Variants in MS4A2 observed in about 807,000 individuals in gnomAD.
The protein encoded by MS4A2 is high affinity immunoglobulin epsilon receptor subunit beta.
A neutral mutation model predicts 27.9 loss-of-function variants in MS4A2; 26 were observed. The observed-to-expected ratio is 0.93, with a 90% confidence interval of 0.68 to 1.29. The LOEUF (loss-of-function observed/expected upper bound fraction) is 1.29. Ranked by LOEUF, MS4A2 falls within the 50% of genes most tolerant of loss-of-function variation. The pLI is 0.00. For missense variants in MS4A2, 284 were observed against 284.6 expected, an observed-to-expected ratio of 1.00 and a Z score of 0.01; for synonymous variants, 110 against 98.8, an observed-to-expected ratio of 1.11 and a Z score of -0.67.
Position 60,096,281 on chromosome 11 carries a change from G to A in MS4A2, c.*625G>A, listed in dbSNP as rs569040316. 6.6e-6 allele frequency: 1 copy of A among 152,414 alleles called. No individual in the cohort carries two copies. Among genetic ancestry groups the A allele is most frequent in the South Asian group, 2.1e-4 (1 of 4,836 alleles). The allele number at this position is 152,414 out of a possible 1,614,324, so 9.4% of individuals were successfully genotyped here. On this transcript the variant is annotated 3_prime_UTR_variant, in exon 7 of 7. Coordinates refer to ENST00000278888, the MANE Select transcript of MS4A2 (RefSeq NM_000139.5). ...TTGCAGATTGACAAGTAGGAAGTGGGGAATTTTATTAAGTTACTCGTTGTC... is the reference window on the plus strand; with the variant it reads ...TTGCAGATTGACAAGTAGGAAGTGGAGAATTTTATTAAGTTACTCGTTGTC...
At chr11:60,093,278 T>C in intron 4 of MS4A2, 122 bp from the exon 5 acceptor site, 4 of 1,311,778 alleles carry the variant, frequency 3.0e-6, no homozygotes, top group Non-Finnish European at 4.3e-6. Context: ...GTTTCCCTTT[T>C]TAACCAAAAT....
rs1260274735 is a variant in MS4A2 at position 60,089,823 on chromosome 11, T to C, written c.186+2T>C. On this transcript the variant is annotated splice_donor_variant, in intron 2 of 6. Coordinates refer to ENST00000278888, the MANE Select transcript of MS4A2 (RefSeq NM_000139.5). LOFTEE classifies it high-confidence loss of function. ...AAAAAAGAGCAGGAGTTCCTGGGGG[T>C]GAGTGAGCCTCCTCCAACTTTGACT... 1 of 1,613,818 alleles carries C rather than the reference T, an allele frequency of 6.2e-7. No individual in the cohort carries two copies.
chr11:60,093,536 G>A lies in MS4A2; in HGVS notation c.515G>A (p.Cys172Tyr), dbSNP rs772145331. The A allele has an allele frequency of 6.2e-7, 1 of 1,614,198 alleles. No individual in the cohort carries two copies. The highest frequency in any genetic ancestry group is 2.2e-5 in the East Asian group (1 of 44,894). Residue 172 changes from cysteine (C) to tyrosine (Y), a missense_variant, in exon 5 of 7, where the codon TGC becomes TAC. Transcript: ENST00000278888. The part of the protein sequence containing the change: ...HSCQKFFETK[C>Y]FMASFSTEIV... ...TGCCAGAAATTTTTTGAGACCAAGTGCTTTATGGCTTCCTTTTCCACTGTA... is the reference window on the plus strand; with the variant it reads ...TGCCAGAAATTTTTTGAGACCAAGTACTTTATGGCTTCCTTTTCCACTGTA...
upstream of MS4A2, chr11:60,088,508 G>T: frequency 1.1e-6 from 1 of 906,496 alleles, no homozygotes; most frequent in African/African-American, 1.7e-5. Context: ...TGCTCCAGGA[G>T]TCTCAAATTT....
In MS4A2 at chr11:60,092,775, T is replaced by C. The variant is rs746440072; in HGVS notation, c.322-17T>C. The C allele has an allele frequency of 1.1e-5, 18 of 1,611,492 alleles. No homozygotes were observed. Among genetic ancestry groups the C allele is most frequent in the African/African-American group, 5.3e-5 (4 of 75,018 alleles). ...CAAGAAACTCATTGTGGCTTTTTTT[T>C]CCTCCTTTTTGAACAGTTTTCTATT... On this transcript the variant is annotated splice_polypyrimidine_tract_variant and intron_variant, in intron 3 of 6. Coordinates refer to ENST00000278888, the MANE Select transcript of MS4A2 (RefSeq NM_000139.5).
chr11:60,091,356 T>C (rs1855755266), intron 3 of MS4A2, among the ~76,000 whole-genome samples: 1 of 152,192 alleles, frequency 6.6e-6, no homozygotes, highest in African/African-American at 2.4e-5. Context: ...ATAAGGTATA[T>C]AACTTTTTAA....
intron 2 of MS4A2, among the ~76,000 whole-genome samples, 175 bp downstream of exon 2, chr11:60,089,996 C>A (rs1281138967): frequency 6.6e-6 from 1 of 152,162 alleles, no homozygotes; most frequent in Admixed American, 6.5e-5. Context: ...GAAGCATTTC[C>A]TCATAAAGAC....
At chr11:60,094,356 G>A (rs1855828812) in intron 6 of MS4A2, among the ~76,000 whole-genome samples, 1 of 152,202 alleles carries the variant, frequency 6.6e-6, no homozygotes, top group Non-Finnish European at 1.5e-5. Flanking sequence ...AGGCTTGTGA[G>A]GAAACCACCC....
chr11:60,095,895 C>T lies in MS4A2; in HGVS notation c.*239C>T. On this transcript the variant is annotated 3_prime_UTR_variant, in exon 7 of 7. Transcript: ENST00000278888. ...TTTTATATTATGACCACACACATCTCTGCTGGAAAGTCAACATGTAGTAAG... is the reference window on the plus strand; with the variant it reads ...TTTTATATTATGACCACACACATCTTTGCTGGAAAGTCAACATGTAGTAAG... 7.8e-6 allele frequency: 4 copies of T among 515,410 alleles called. No individual in the cohort carries two copies. The highest frequency in any genetic ancestry group is 1.4e-5 in the Non-Finnish European group (4 of 287,004). 31.9% of individuals were successfully genotyped at this position (515,410 alleles called of 1,614,324 possible). A position where few individuals can be genotyped will look rare whatever the true frequency, so the allele number is the denominator to read the frequency against.
Position 60,092,873 on chromosome 11 carries a change from T to G in MS4A2, c.378+25T>G, listed in dbSNP as rs78842432. On this transcript the variant is annotated intron_variant, in intron 4 of 6. Transcript: ENST00000278888. ...GGTGAGTTGCCCGTTTCTGTCTTTG[T>G]CCATCCTTGAAAAGATAAGAAGAAC... is the stretch of plus-strand genomic sequence containing the variant. 2,246 of 1,606,722 alleles carry G rather than the reference T, an allele frequency of 1.4e-3. 29 individuals carry two copies. In the African/African-American group the frequency reaches 0.027, roughly 19 times the overall value.
intron 3 of MS4A2, among the ~76,000 whole-genome samples, chr11:60,092,347 G>C (rs1352112006): frequency 6.6e-6 from 1 of 150,594 alleles, no homozygotes; most frequent in Admixed American, 6.6e-5. Flanking sequence ...CCAGGCTGGA[G>C]TGCAATGGCA....
chr11:60,095,963 AAAG>A lies in MS4A2; in HGVS notation c.*311_*313del, dbSNP rs1855862383. 3.4e-6 allele frequency: 1 copy of A among 292,722 alleles called. No homozygotes were observed. The highest frequency in any genetic ancestry group is 6.4e-6 in the Non-Finnish European group (1 of 156,306). The allele number at this position is 292,722 out of a possible 1,614,324, so 18.1% of individuals were successfully genotyped here. On this transcript the variant is annotated 3_prime_UTR_variant, in exon 7 of 7. Transcript: ENST00000278888. The stretch of plus-strand genomic sequence containing the variant: ...ATTATAACTGTGCAAATACAGAAAA[AAAG>A]AAGGCTGGCTGAAAGTTGAGTTAAA...
chr11:60,090,527 T>A, intron 3 of MS4A2, 57 bp downstream of exon 3: 1 of 1,542,016 alleles, frequency 6.5e-7, no homozygotes, highest in Admixed American at 1.7e-5. Flanking sequence ...TTTTTCTCTT[T>A]CTCAGATCTA....
At chr11:60,089,549 T>C in intron 1 of MS4A2, 143 bp from the exon 2 acceptor site, 1 of 1,116,342 alleles carries the variant, frequency 9.0e-7, no homozygotes, top group Non-Finnish European at 1.3e-6. Flanking sequence ...CTCTGAGCTT[T>C]AGTTTCTTGG....
intron 3 of MS4A2, among the ~76,000 whole-genome samples, chr11:60,090,881 G>A (rs1855747126): frequency 6.6e-6 from 1 of 152,188 alleles, no homozygotes; most frequent in African/African-American, 2.4e-5. Context: ...GCTGGGCATG[G>A]TGGCTCACAC....
At position 60,098,103 on chromosome 11, in the gene MS4A2, A is replaced by T. The variant is rs1431492038; in HGVS notation, c.*2447A>T. 6 of 152,256 alleles carry T rather than the reference A, an allele frequency of 3.9e-5. 1 individual carries two copies. The highest frequency in any genetic ancestry group is 6.8e-3 in the Middle Eastern group (2 of 294). The allele number at this position is 152,256 out of a possible 1,614,324, so 9.4% of individuals were successfully genotyped here. A position where few individuals can be genotyped will look rare whatever the true frequency, so the allele number is the denominator to read the frequency against. ...ATTTCACTCAATTTATATTTTCATC[A>T]TTGACTACATATTTCTTATACACAA... On this transcript the variant is annotated 3_prime_UTR_variant, in exon 7 of 7. Coordinates refer to ENST00000278888, the MANE Select transcript of MS4A2 (RefSeq NM_000139.5).
intron 2 of MS4A2, 142 bp from the exon 3 acceptor site, chr11:60,090,194 G>A: frequency 1.1e-6 from 1 of 881,428 alleles, no homozygotes; most frequent in Non-Finnish European, 1.8e-6. Flanking sequence ...AGGGTATCCT[G>A]GAAAATCTTA....
At position 60,097,172 on chromosome 11, in the gene MS4A2, C is replaced by A. The variant is rs1855883830; in HGVS notation, c.*1516C>A. ...GTGAAGCTAAGCTAAACTTCACATGCCTATAATTGGAGGGAAAAACTAAGG... is the reference window on the plus strand; with the variant it reads ...GTGAAGCTAAGCTAAACTTCACATGACTATAATTGGAGGGAAAAACTAAGG... On this transcript the variant is annotated 3_prime_UTR_variant, in exon 7 of 7. Transcript: ENST00000278888. 1 of 152,032 alleles carries A rather than the reference C, an allele frequency of 6.6e-6. No homozygotes were observed. The highest frequency in any genetic ancestry group is 2.1e-4 in the South Asian group (1 of 4,826). 9.4% of individuals were successfully genotyped at this position (152,032 alleles called of 1,614,324 possible). A position where few individuals can be genotyped will look rare whatever the true frequency, so the allele number is the denominator to read the frequency against.
At chr11:60,089,625 C>G in intron 1 of MS4A2, 67 bp from the exon 2 acceptor site, 2 of 1,599,918 alleles carry the variant, frequency 1.3e-6, no homozygotes, top group Non-Finnish European at 1.7e-6. Context: ...CCCTTTCTGT[C>G]TGTCGAGAAT....
Sources: allele counts gnomAD v4.1 joint callset (sites outside exome capture counted in the v4.1 genomes callset), GRCh38; gene constraint gnomAD v4.1.1; transcripts MANE v1.5; gene names NCBI Gene and HGNC (gene_info 2026-07-23, HGNC 2026-07-21).